Variants in UNC80 observed in about 807,000 individuals in gnomAD.
The protein encoded by UNC80 is unc-80 subunit of NALCN channel complex, also known as protein unc-80 homolog.
A neutral mutation model predicts 384.6 loss-of-function variants in UNC80; 164 were observed. That is an observed-to-expected ratio of 0.43 (90% CI 0.38 to 0.49). UNC80 has a LOEUF of 0.49. Among genes scored for constraint, UNC80 ranks in the 20% least tolerant of loss-of-function variants. The pLI, the probability that UNC80 is intolerant of heterozygous loss-of-function variation, is 0.00. For missense variants in UNC80, 3,330 were observed against 4,143.0 expected (o/e 0.80, Z 5.39); for synonymous variants, 1,486 against 1,527.8 (o/e 0.97, Z 0.64).
chr2:209,891,558 AAT>A (rs1289678952), intron 26 of UNC80, among the ~76,000 whole-genome samples: 1 of 152,136 alleles, frequency 6.6e-6, no homozygotes, highest in East Asian at 1.9e-4. Context: ...TATAAAATAA[AAT>A]ATCTGATTAA....
rs111699926 is a variant in UNC80, at chr2:209,914,062, A to T, written c.5029+122A>T. 429 of 1,207,768 alleles carry T rather than the reference A, an allele frequency of 3.6e-4. No individual in the cohort carries two copies. In the African/African-American group the frequency reaches 6.1e-3, roughly 17 times the overall value. The allele number at this position is 1,207,768 out of a possible 1,614,324, so 74.8% of individuals were successfully genotyped here. On this transcript the variant is annotated intron_variant, in intron 31 of 64. Coordinates refer to ENST00000673920, the MANE Select transcript of UNC80 (RefSeq NM_001371986.1). Reference sequence around the variant, plus strand: ...CTAGGTCAAGTTAATGGCAATTGCTATAACTGTAGACTCTAGAGCTGTGTG... The same window carrying T: ...CTAGGTCAAGTTAATGGCAATTGCTTTAACTGTAGACTCTAGAGCTGTGTG...
At chr2:209,867,421 G>A (rs1041976648) in intron 22 of UNC80, among the ~76,000 whole-genome samples, 2 of 151,820 alleles carry the variant, frequency 1.3e-5, no homozygotes, top group African/African-American at 2.4e-5. Flanking sequence ...GGGGGCTGGG[G>A]GGCATGGAAT....
At chr2:209,958,139 C>T (rs939326633) in intron 49 of UNC80, among the ~76,000 whole-genome samples, 3 of 152,050 alleles carry the variant, frequency 2.0e-5, no homozygotes, top group African/African-American at 7.3e-5. Flanking sequence ...TTTCTGCAGA[C>T]ATTTCATCCA....
At position 209,921,671 on chromosome 2, in the gene UNC80, G is replaced by A; in HGVS notation, c.5515G>A (p.Glu1839Lys). ...CYEPTCTPNS[E>K]PEEEVEEVTN... ...TGAGCCCACATGCACGCCCAACTCAGAACCGGAAGAAGAAGGTGCCCTCTG... is the reference window on the plus strand; with the variant it reads ...TGAGCCCACATGCACGCCCAACTCAAAACCGGAAGAAGAAGGTGCCCTCTG... The change falls in exon 34 of 65, where the codon GAA becomes AAA. Residue 1839 changes from glutamate (E) to lysine (K), a missense_variant. By Grantham distance (56) the Glu-to-Lys change is moderately conservative. Transcript: ENST00000673920. The A allele has an allele frequency of 6.5e-7, 1 of 1,550,246 alleles. No individual in the cohort carries two copies. Among genetic ancestry groups the A allele is most frequent in the Non-Finnish European group, 8.7e-7 (1 of 1,146,490 alleles).
At position 209,820,731 on chromosome 2, in the gene UNC80, T is replaced by C; in HGVS notation, c.2331+52T>C. ...TCATGAAATGTCATACCTAATTTCT[T>C]TCTAAAGCTTGCTTGCCAGCAGTTT... On this transcript the variant is annotated intron_variant, in intron 13 of 64. Transcript: ENST00000673920. 4 of 1,462,492 alleles carry C rather than the reference T, an allele frequency of 2.7e-6. No homozygotes were observed. The South Asian group carries it at 5.9e-5, about 22-fold the overall frequency. The allele number at this position is 1,462,492 out of a possible 1,614,324, so 90.6% of individuals were successfully genotyped here.
chr2:209,935,962 A>T (rs2091215902), intron 40 of UNC80, among the ~76,000 whole-genome samples, 154 bp downstream of exon 40: 1 of 152,130 alleles, frequency 6.6e-6, no homozygotes, highest in Non-Finnish European at 1.5e-5. Context: ...TTATTTCCTT[A>T]TGCTATTTCC....
chr2:209,815,289 A>G lies in UNC80; in HGVS notation c.1233A>G (p.Lys411=). 6.4e-7 allele frequency: 1 copy of G among 1,551,598 alleles called. No homozygotes were observed. The highest frequency in any genetic ancestry group is 1.4e-5 in the African/African-American group (1 of 73,134). ...DLTMKCNEEE[K]SLSSEAFSKV... ...CCATGAAGTGTAACGAGGAGGAAAA[A>G]TCTCTTAGCTCTGAGGCCTTTTCCA... Residue 411 remains lysine, a synonymous_variant, in exon 9 of 65, where the codon AAA becomes AAG. Transcript: ENST00000673920.
chr2:209,809,305 C>T (rs1218824261), intron 7 of UNC80: 6 of 760,000 alleles, frequency 7.9e-6, no homozygotes, highest in South Asian at 2.8e-5. Context: ...GAAACACATC[C>T]GAAGCCACAC....
At chr2:209,903,533 T>TAGTATATATGTAATATATATAC (rs2087736233) in intron 28 of UNC80, among the ~76,000 whole-genome samples, 2 of 1,712 alleles carry the variant, frequency 1.2e-3, no homozygotes, top group African/African-American at 4.4e-3. Context: ...ACTATATATA[T>TAGTATATATGTAATATATATAC]TATATATAGT....
intron 5 of UNC80, among the ~76,000 whole-genome samples, chr2:209,788,956 A>G (rs1410183770): frequency 6.6e-6 from 1 of 152,052 alleles, no homozygotes; most frequent in East Asian, 1.9e-4. Flanking sequence ...TTTATACTGT[A>G]TTTTTACTGA....
intron 16 of UNC80, among the ~76,000 whole-genome samples, chr2:209,832,037 T>G (rs2081008963): frequency 6.6e-6 from 1 of 152,208 alleles, no homozygotes; most frequent in African/African-American, 2.4e-5. Flanking sequence ...TTTTAGCTAC[T>G]TGTCTTGAAA....
At chr2:209,930,921 C>A in intron 37 of UNC80, 47 bp from the exon 38 acceptor site, 2 of 1,340,902 alleles carry the variant, frequency 1.5e-6, no homozygotes, top group Admixed American at 2.3e-5. Flanking sequence ...TTATTTTCTA[C>A]AGCATGGCAG....
At chr2:209,953,982 G>T in intron 47 of UNC80, 118 bp from the exon 48 acceptor site, 1 of 1,146,874 alleles carries the variant, frequency 8.7e-7, no homozygotes. Context: ...GGAGTGGCAA[G>T]GGGCCTTAGA....
intron 42 of UNC80, 59 bp from the exon 43 acceptor site, chr2:209,939,413 C>G: frequency 6.9e-7 from 1 of 1,452,528 alleles, no homozygotes; most frequent in Non-Finnish European, 9.1e-7. Flanking sequence ...TTTTTTCAGT[C>G]TATAAATCTG....
chr2:209,996,757 A>C lies in UNC80; in HGVS notation c.*1162A>C, dbSNP rs1308042964. 6.6e-6 allele frequency: 1 copy of C among 152,182 alleles called. No individual in the cohort carries two copies. The highest frequency in any genetic ancestry group is 6.5e-5 in the Admixed American group (1 of 15,276). 9.4% of individuals were successfully genotyped at this position (152,182 alleles called of 1,614,324 possible). On this transcript the variant is annotated 3_prime_UTR_variant, in exon 65 of 65. Coordinates refer to ENST00000673920, the MANE Select transcript of UNC80 (RefSeq NM_001371986.1). ...CAACACCTAGTGTGTTACTGATCCTATGGTAGGGCTGTGCATCACGTGGTT... is the reference window on the plus strand; with the variant it reads ...CAACACCTAGTGTGTTACTGATCCTCTGGTAGGGCTGTGCATCACGTGGTT...
intron 7 of UNC80, among the ~76,000 whole-genome samples, chr2:209,799,214 A>G (rs2078376976): frequency 6.6e-6 from 1 of 151,884 alleles, no homozygotes; most frequent in South Asian, 2.1e-4. Context: ...GGAAGATGGA[A>G]TGTTTTTCCA....
chr2:209,992,153 T>C lies in UNC80; in HGVS notation c.9315-13T>C. 1.3e-6 allele frequency: 2 copies of C among 1,551,232 alleles called. No individual in the cohort carries two copies. Among genetic ancestry groups the C allele is most frequent in the Non-Finnish European group, 1.7e-6 (2 of 1,146,656 alleles). Reference sequence around the variant, plus strand: ...TCTCTCCGGGGTACACTAACACTGTTGATGCTTGGCAGGGTGGCAAGTATA... The same window carrying C: ...TCTCTCCGGGGTACACTAACACTGTCGATGCTTGGCAGGGTGGCAAGTATA... On this transcript the variant is annotated splice_polypyrimidine_tract_variant and intron_variant, in intron 61 of 64. Transcript: ENST00000673920.
At chr2:209,809,708 A>G (rs1410736914) in intron 7 of UNC80, 3 of 477,094 alleles carry the variant, frequency 6.3e-6, no homozygotes, top group African/African-American at 2.0e-5. Flanking sequence ...GAGCGCCCCC[A>G]TTTCTGGATG....
chr2:209,831,997 G>A (rs1250739954), intron 16 of UNC80, among the ~76,000 whole-genome samples: 2 of 152,096 alleles, frequency 1.3e-5, no homozygotes, highest in Non-Finnish European at 2.9e-5. Context: ...AATTGGTTTT[G>A]TTTTCTTTTA....
Sources: gnomAD v4.1 joint callset for allele counts (sites outside exome capture counted in the v4.1 genomes callset) on GRCh38, gnomAD v4.1.1 for gene constraint, MANE v1.5 for transcripts, NCBI Gene and HGNC (gene_info 2026-07-23, HGNC 2026-07-21) for gene names.